The following EDA variants were observed in gnomAD, a reference collection of about 807,000 sequenced individuals.
The protein encoded by EDA is ectodysplasin-A.
EDA carries 2 observed loss-of-function variants against 23.6 expected under a neutral mutation model. That is an observed-to-expected ratio of 0.08 (90% CI 0.03 to 0.27). The LOEUF (loss-of-function observed/expected upper bound fraction) is 0.27, where lower values mean the gene tolerates loss of function less well. Ranked by LOEUF, EDA falls within the 10% of genes least tolerant of loss-of-function variation. The probability of loss-of-function intolerance (pLI) is 1.00; values close to 1 mark genes in which losing one functional copy is unlikely to be tolerated. For missense variants in EDA, 229 were observed against 324.2 expected, an observed-to-expected ratio of 0.71 and a Z score of 2.26; for synonymous variants, 131 against 132.0, an observed-to-expected ratio of 0.99 and a Z score of 0.05.
chrX:69,746,635 G>A (rs1397030584), intron 1 of EDA, among the ~76,000 whole-genome samples: 2 of 111,360 alleles, frequency 1.8e-5, no homozygotes, highest in Non-Finnish European at 3.8e-5. Flanking sequence ...AAACAAAAGT[G>A]TTTTACAGTG....
intron 1 of EDA, among the ~76,000 whole-genome samples, chrX:69,827,123 GCC>G (rs1440831571): frequency 2.7e-5 from 3 of 111,528 alleles, no homozygotes; most frequent in Non-Finnish European, 5.6e-5. Flanking sequence ...CTCTCTGGCT[GCC>G]CTTAACATTT....
intron 1 of EDA, among the ~76,000 whole-genome samples, chrX:69,823,500 G>C (rs1441897780): frequency 1.3e-5 from 1 of 77,551 alleles, no homozygotes; most frequent in Non-Finnish European, 2.3e-5. Context: ...GTCTTCTTTT[G>C]AGAAGTGTCT....
At chrX:69,646,981 G>A (rs986084302) in intron 1 of EDA, among the ~76,000 whole-genome samples, 1 of 111,479 alleles carries the variant, frequency 9.0e-6, no homozygotes, top group Non-Finnish European at 1.9e-5. Context: ...AATTTTCTGG[G>A]TTGGAATTTC....
At chrX:70,019,457 CG>C (rs1379540510) in intron 2 of EDA, among the ~76,000 whole-genome samples, 3 of 111,852 alleles carry the variant, frequency 2.7e-5, no homozygotes, top group Non-Finnish European at 3.8e-5. Context: ...TGACCATCAA[CG>C]GTAGACTGGA....
intron 2 of EDA, among the ~76,000 whole-genome samples, chrX:69,982,738 T>C (rs5980886): frequency 0.097 from 9,654 of 99,664 alleles, 410 homozygotes; most frequent in Middle Eastern, 0.13. Flanking sequence ...ATTCTGTTGA[T>C]TTGGGGTGGA....
chrX:69,682,165 G>T (rs1198198474), intron 1 of EDA, among the ~76,000 whole-genome samples: 2 of 112,438 alleles, frequency 1.8e-5, no homozygotes, highest in Non-Finnish European at 3.8e-5. Flanking sequence ...GCTTGTGGAG[G>T]CAGTCTGCCT....
intron 7 of EDA, 102 bp from the exon 8 acceptor site, chrX:70,035,256 C>G (rs938317056): frequency 2.0e-6 from 2 of 992,489 alleles, no homozygotes; most frequent in African/African-American, 3.8e-5. Context: ...ATGGGGTATA[C>G]TAACAGCTCA....
At chrX:69,798,821 G>T (rs776841452) in intron 1 of EDA, among the ~76,000 whole-genome samples, 1 of 110,497 alleles carries the variant, frequency 9.1e-6, no homozygotes, top group Non-Finnish European at 1.9e-5. Context: ...AAATACAAAG[G>T]ATCAATAAAT....
chrX:69,876,594 A>G (rs902506323), intron 1 of EDA, among the ~76,000 whole-genome samples: 6 of 111,416 alleles, frequency 5.4e-5, no homozygotes, highest in African/African-American at 2.0e-4. Flanking sequence ...TTTATAGTCA[A>G]CCCTTACCCC....
intron 1 of EDA, among the ~76,000 whole-genome samples, chrX:69,778,457 C>T (rs972629915): frequency 8.9e-6 from 1 of 111,860 alleles, no homozygotes; most frequent in African/African-American, 3.2e-5. Flanking sequence ...CCAGAACGTA[C>T]TTGTTAAATG....
At chrX:69,782,035 G>A (rs1206219340) in intron 1 of EDA, among the ~76,000 whole-genome samples, 2 of 109,606 alleles carry the variant, frequency 1.8e-5, no homozygotes, top group Non-Finnish European at 3.8e-5. Flanking sequence ...GGTAGACTTT[G>A]GAGGATACGG....
chrX:69,649,838 C>T (rs1448635814), intron 1 of EDA, among the ~76,000 whole-genome samples: 4 of 111,651 alleles, frequency 3.6e-5, no homozygotes, highest in Non-Finnish European at 5.6e-5. Flanking sequence ...CTGCCTACCT[C>T]GGCCTCCCAA....
intron 1 of EDA, among the ~76,000 whole-genome samples, chrX:69,789,512 C>T (rs980295092): frequency 3.7e-4 from 41 of 112,266 alleles, no homozygotes; most frequent in African/African-American, 1.2e-3. Context: ...GTATCTATTT[C>T]ATCCGTATCC....
At chrX:69,624,286 T>G (rs1027805715) in intron 1 of EDA, among the ~76,000 whole-genome samples, 19 of 111,842 alleles carry the variant, frequency 1.7e-4, no homozygotes, top group African/African-American at 6.2e-4. Flanking sequence ...TATAAGATAG[T>G]GTTTGGTTCT....
chrX:69,841,473 G>A (rs2147560731), intron 1 of EDA, among the ~76,000 whole-genome samples: 1 of 111,457 alleles, frequency 9.0e-6, no homozygotes, highest in South Asian at 3.9e-4. Context: ...CCAAATTCCT[G>A]GACTACAGGC....
chrX:69,718,032 C>T (rs1235678077), intron 1 of EDA, among the ~76,000 whole-genome samples: 2 of 111,745 alleles, frequency 1.8e-5, no homozygotes, highest in Non-Finnish European at 3.8e-5. Context: ...CACCTTCTGC[C>T]GTGATTGGCC....
intron 1 of EDA, among the ~76,000 whole-genome samples, chrX:69,767,143 G>A (rs1333651368): frequency 1.8e-5 from 2 of 111,444 alleles, no homozygotes; most frequent in Non-Finnish European, 3.8e-5. Context: ...TAAACACCTA[G>A]AAATCCTTAA....
chrX:69,645,624 A>C, intron 1 of EDA, among the ~76,000 whole-genome samples: 1 of 86,235 alleles, frequency 1.2e-5, no homozygotes, highest in Admixed American at 1.7e-4. Context: ...ATGTGTGTGT[A>C]TATATATATA....
intron 1 of EDA, among the ~76,000 whole-genome samples, chrX:69,709,656 A>C (rs1255485937): frequency 9.0e-6 from 1 of 111,316 alleles, no homozygotes; most frequent in African/African-American, 3.3e-5. Context: ...CTTTGCTTTA[A>C]ACTGTTTTCA....
Sources: gnomAD v4.1 joint callset for allele counts (sites outside exome capture counted in the v4.1 genomes callset) on GRCh38, gnomAD v4.1.1 for gene constraint, MANE v1.5 for transcripts, NCBI Gene and HGNC (gene_info 2026-07-23, HGNC 2026-07-21) for gene names.